The following MBTPS2 variants were observed in gnomAD, a reference collection of about 807,000 sequenced individuals.
The protein encoded by MBTPS2 is membrane-bound transcription factor site-2 protease.
Under a neutral mutation model 35.4 loss-of-function variants are expected in MBTPS2, and 2 were observed. That is an observed-to-expected ratio of 0.06 (90% CI 0.02 to 0.18). The LOEUF (loss-of-function observed/expected upper bound fraction) is 0.18. Ranked by LOEUF, MBTPS2 falls within the 10% of genes least tolerant of loss-of-function variation. The pLI is 1.00. For missense variants in MBTPS2, 244 were observed against 386.5 expected (o/e 0.63, Z 3.09); for synonymous variants, 125 against 140.4 (o/e 0.89, Z 0.77).
chrX:21,862,945 T>A (rs868854925), intron 5 of MBTPS2, among the ~76,000 whole-genome samples: 17 of 47,915 alleles, frequency 3.5e-4, no homozygotes, highest in African/African-American at 1.6e-3. Flanking sequence ...TATATATATA[T>A]ATATATATAT....
intron 5 of MBTPS2, among the ~76,000 whole-genome samples, chrX:21,854,688 G>C (rs1440705859): frequency 8.9e-6 from 1 of 111,802 alleles, no homozygotes; most frequent in Non-Finnish European, 1.9e-5. Flanking sequence ...AGAAGAAACA[G>C]GTAATAAAAA....
chrX:21,842,177 A>G (rs1194864384), intron 1 of MBTPS2, among the ~76,000 whole-genome samples: 2 of 111,984 alleles, frequency 1.8e-5, no homozygotes, highest in Admixed American at 1.9e-4. Flanking sequence ...TATATAACAC[A>G]GCCTTATGTC....
intron 10 of MBTPS2, among the ~76,000 whole-genome samples, 167 bp from the exon 11 acceptor site, chrX:21,882,265 AT>A (rs773549066): frequency 1.6e-4 from 18 of 109,133 alleles, no homozygotes; most frequent in African/African-American, 5.0e-4. Context: ...ATATAAACTC[AT>A]TTTTTTTAAG....
intron 1 of MBTPS2, 61 bp downstream of exon 1, chrX:21,839,870 C>G: frequency 9.5e-7 from 1 of 1,055,514 alleles, no homozygotes; most frequent in Non-Finnish European, 1.3e-6. Context: ...GCAAGGCCTT[C>G]TTTTCTCTTC....
In MBTPS2 at chrX:21,885,101, G is replaced by T. The variant is rs931744540; in HGVS notation, c.*2446G>T. ...TTTTTAATCACCTACAATCTGTAAA[G>T]AATGTATATATTCTTTTCAGCATCT... On this transcript the variant is annotated 3_prime_UTR_variant, in exon 11 of 11. Transcript: ENST00000379484. 8.0e-6 allele frequency: 6 copies of T among 747,393 alleles called. No individual in the cohort carries two copies. The African/African-American group carries it at 1.4e-4, about 17-fold the overall frequency. The allele number at this position is 747,393 out of a possible 1,213,427, so 61.6% of individuals were successfully genotyped here.
intron 7 of MBTPS2, chrX:21,870,914 A>G (rs188993586): frequency 8.9e-6 from 1 of 112,105 alleles, no homozygotes; most frequent in African/African-American, 3.2e-5. Context: ...ATGCTCACAG[A>G]CTATATCTTT....
chrX:21,852,233 AG>A (rs1332458127), intron 4 of MBTPS2, among the ~76,000 whole-genome samples: 1 of 111,625 alleles, frequency 9.0e-6, no homozygotes, highest in Admixed American at 9.6e-5. Flanking sequence ...TGATGGGGAG[AG>A]GGCCACGTCA....
chrX:21,856,750 G>T, intron 5 of MBTPS2: 1 of 1,211,815 alleles, frequency 8.3e-7, no homozygotes, highest in African/African-American at 1.7e-5. Context: ...GAAGTGGTGG[G>T]CTATTGCGAC....
At chrX:21,875,062 A>C (rs1467237417) in intron 7 of MBTPS2, among the ~76,000 whole-genome samples, 1 of 112,384 alleles carries the variant, frequency 8.9e-6, no homozygotes, top group Non-Finnish European at 1.9e-5. Context: ...TTATTGGAAA[A>C]TTCAGTATGT....
At chrX:21,840,970 G>T (rs1018670042) in intron 1 of MBTPS2, among the ~76,000 whole-genome samples, 2 of 111,767 alleles carry the variant, frequency 1.8e-5, no homozygotes, top group Middle Eastern at 4.6e-3. Flanking sequence ...ATAAAGTCTC[G>T]CTCCTCAACT....
At chrX:21,857,903 C>T (rs1275590639) in intron 5 of MBTPS2, 6 of 222,765 alleles carry the variant, frequency 2.7e-5, no homozygotes, top group Non-Finnish European at 5.1e-5. Flanking sequence ...ACGGTTCTTA[C>T]AAACTGTTTA....
rs746665197 is a variant in MBTPS2, at chrX:21,867,830, A to T, written c.671-637A>T. Reference sequence around the variant, plus strand: ...ATTTTTTTGTATTTTTAGTAGAGACAGGGTTTCACCATGTTGGCCAAGCTG... The same window carrying T: ...ATTTTTTTGTATTTTTAGTAGAGACTGGGTTTCACCATGTTGGCCAAGCTG... On this transcript the variant is annotated intron_variant, in intron 5 of 10. Coordinates refer to ENST00000379484, the MANE Select transcript of MBTPS2 (RefSeq NM_015884.4). Among the ~76,000 whole-genome samples the T allele has an allele frequency of 6.3e-5, 7 of 110,511 alleles. No homozygotes were observed. In the Admixed American group the frequency reaches 6.7e-4, roughly 11 times the overall value.
Position 21,883,529 on chromosome X carries a change from C to T in MBTPS2, c.*874C>T, listed in dbSNP as rs1190627547. On this transcript the variant is annotated 3_prime_UTR_variant, in exon 11 of 11. Transcript: ENST00000379484. Reference sequence around the variant, plus strand: ...TCCCATTCTCTATAGAGCTTTGAAGCTTGGAACCCTTCCAGGGTAAACATT... The same window carrying T: ...TCCCATTCTCTATAGAGCTTTGAAGTTTGGAACCCTTCCAGGGTAAACATT... The T allele has an allele frequency of 2.9e-5, 22 of 753,796 alleles. No homozygotes were observed. The highest frequency in any genetic ancestry group is 3.3e-5 in the Non-Finnish European group (21 of 639,115). 62.1% of individuals were successfully genotyped at this position (753,796 alleles called of 1,213,427 possible).
At chrX:21,848,573 T>C (rs1483526299) in intron 3 of MBTPS2, among the ~76,000 whole-genome samples, 1 of 99,828 alleles carries the variant, frequency 1.0e-5, no homozygotes, top group Non-Finnish European at 2.0e-5. Flanking sequence ...CCAGCTACTG[T>C]GGAGGCTGAA....
At chrX:21,878,273 A>G (rs2092955259) in intron 8 of MBTPS2, 137 bp downstream of exon 8, 4 of 528,590 alleles carry the variant, frequency 7.6e-6, no homozygotes, top group East Asian at 3.6e-5. Flanking sequence ...TACATTTCAC[A>G]TGTCACATTT....
chrX:21,852,061 G>A (rs1227519819), intron 4 of MBTPS2, among the ~76,000 whole-genome samples: 2 of 111,972 alleles, frequency 1.8e-5, no homozygotes, highest in African/African-American at 6.5e-5. Context: ...TGAAAGCACT[G>A]GGTTTAACAA....
chrX:21,847,829 A>G (rs1295407508), intron 3 of MBTPS2, among the ~76,000 whole-genome samples: 1 of 112,094 alleles, frequency 8.9e-6, no homozygotes, highest in Non-Finnish European at 1.9e-5. Flanking sequence ...GAGCAGGTAT[A>G]TAAAAAGGGA....
rs770397553 is a variant in MBTPS2 at position 21,875,654 on chromosome X, T to C, written c.971-2388T>C. 7.1e-5 allele frequency among the ~76,000 whole-genome samples: 8 copies of C among 112,539 alleles called. No individual in the cohort carries two copies. The East Asian group carries it at 1.9e-3, about 27-fold the overall frequency. On this transcript the variant is annotated intron_variant, in intron 7 of 10. Transcript: ENST00000379484. ...ACATCATTTATGTATTCAGTGTATA[T>C]TGAGTAATCCACCTTATATAAGACA...
At chrX:21,859,553 G>T (rs980397448) in intron 5 of MBTPS2, among the ~76,000 whole-genome samples, 1 of 106,967 alleles carries the variant, frequency 9.3e-6, no homozygotes, top group African/African-American at 3.4e-5. Context: ...GTGCTTGCTT[G>T]TAGAATATAT....
Sources: gnomAD v4.1 joint callset for allele counts (sites outside exome capture counted in the v4.1 genomes callset) on GRCh38, gnomAD v4.1.1 for gene constraint, MANE v1.5 for transcripts, NCBI Gene and HGNC (gene_info 2026-07-23, HGNC 2026-07-21) for gene names.